The following SORCS2 variants were observed in gnomAD, a reference collection of about 807,000 sequenced individuals.
SORCS2 encodes the protein VPS10 domain-containing receptor SorCS2.
A neutral mutation model predicts 141.6 loss-of-function variants in SORCS2; 100 were observed. The ratio of observed to expected loss-of-function variants is 0.71; its 90% CI spans 0.60 to 0.83. The LOEUF is 0.83. Ranked by LOEUF, SORCS2 falls within the 40% of genes least tolerant of loss-of-function variation. The probability of loss-of-function intolerance (pLI) is 0.00; values close to 1 mark genes in which losing one functional copy is unlikely to be tolerated. For synonymous variants in SORCS2, 789 were observed against 676.9 expected, an observed-to-expected ratio of 1.17 and a Z score of -2.57; for missense variants, 1,646 against 1,560.2, an observed-to-expected ratio of 1.05 and a Z score of -0.93.
intron 1 of SORCS2, among the ~76,000 whole-genome samples, chr4:7,320,662 G>A (rs1352594109): frequency 6.6e-6 from 1 of 152,176 alleles, no homozygotes; most frequent in African/African-American, 2.4e-5. Context: ...TCTTTGATGA[G>A]GTTGGCCAGA....
rs75929365 is a variant in SORCS2 at position 7,641,532 on chromosome 4, T to C, written c.813+3040T>C. Among the ~76,000 whole-genome samples the C allele has an allele frequency of 1.3e-4, 20 of 152,314 alleles. No homozygotes were observed. In the East Asian group the frequency reaches 3.3e-3, roughly 25 times the overall value. ...TGGGTGGGAACACAGAGCCAAACCA[T>C]GTCAGGTAACTCTATCTTTGTGAAG... On this transcript the variant is annotated intron_variant, in intron 4 of 26. Transcript: ENST00000507866.
intron 5 of SORCS2, among the ~76,000 whole-genome samples, chr4:7,654,725 G>A (rs1037593004): frequency 2.9e-4 from 44 of 152,126 alleles, no homozygotes; most frequent in African/African-American, 1.0e-3. Context: ...CCACTGCTCA[G>A]CCTGTCACCC....
intron 12 of SORCS2, among the ~76,000 whole-genome samples, chr4:7,700,771 A>G (rs1725016511): frequency 6.6e-6 from 1 of 151,908 alleles, no homozygotes; most frequent in Admixed American, 6.6e-5. Context: ...ACATCTGGGG[A>G]GCCCCCAGGT....
chr4:7,634,237 G>A (rs1484947534), intron 3 of SORCS2, among the ~76,000 whole-genome samples: 1 of 152,190 alleles, frequency 6.6e-6, no homozygotes, highest in East Asian at 1.9e-4. Flanking sequence ...AGCCAGGCAT[G>A]GTGGCGGGCA....
intron 1 of SORCS2, among the ~76,000 whole-genome samples, chr4:7,343,840 C>T (rs1465388128): frequency 3.3e-5 from 5 of 152,210 alleles, no homozygotes; most frequent in African/African-American, 9.6e-5. Context: ...CTCTGCTCCA[C>T]GAGGAAGGTT....
intron 1 of SORCS2, among the ~76,000 whole-genome samples, chr4:7,215,972 C>G (rs372082562): frequency 2.6e-5 from 4 of 150,990 alleles, no homozygotes; most frequent in Non-Finnish European, 3.0e-5. Flanking sequence ...GCAACCCGCT[C>G]GGGTCCCCTT....
At chr4:7,720,054 AACAC>A (rs1009329187) in intron 18 of SORCS2, among the ~76,000 whole-genome samples, 2 of 151,950 alleles carry the variant, frequency 1.3e-5, no homozygotes, top group Admixed American at 6.6e-5. Context: ...CATACACACA[AACAC>A]ACAGACACAC....
At chr4:7,471,102 G>A (rs1303867823) in intron 2 of SORCS2, among the ~76,000 whole-genome samples, 3 of 152,172 alleles carry the variant, frequency 2.0e-5, no homozygotes, top group African/African-American at 7.2e-5. Flanking sequence ...AAAGGCAAGG[G>A]CATCTTTTTC....
chr4:7,553,778 A>T (rs1713904084), intron 3 of SORCS2, among the ~76,000 whole-genome samples: 1 of 152,236 alleles, frequency 6.6e-6, no homozygotes, highest in South Asian at 2.1e-4. Flanking sequence ...AACCTGGTGT[A>T]TGTCAATCAT....
chr4:7,478,183 G>A (rs1177338859), intron 2 of SORCS2, among the ~76,000 whole-genome samples: 1 of 152,210 alleles, frequency 6.6e-6, no homozygotes, highest in Non-Finnish European at 1.5e-5. Flanking sequence ...TTTGAAAAAG[G>A]CCGGGCGTGT....
chr4:7,594,250 C>T (rs771470485), intron 3 of SORCS2, among the ~76,000 whole-genome samples: 8 of 152,206 alleles, frequency 5.3e-5, no homozygotes, highest in Admixed American at 1.3e-4. Context: ...GCTACCTCTG[C>T]GGCTGTGGCA....
At chr4:7,669,805 T>A (rs1722692951) in intron 8 of SORCS2, among the ~76,000 whole-genome samples, 1 of 152,338 alleles carries the variant, frequency 6.6e-6, no homozygotes, top group South Asian at 2.1e-4. Context: ...CGTAGCTGAA[T>A]TATGAGCAGT....
intron 9 of SORCS2, among the ~76,000 whole-genome samples, chr4:7,676,822 TCTCTCTCC>T (rs1723167150): frequency 1.0e-5 from 1 of 100,060 alleles, no homozygotes; most frequent in African/African-American, 3.8e-5. Context: ...TCTCTCTCTC[TCTCTCTCC>T]CTCTCTCCAC....
intron 2 of SORCS2, among the ~76,000 whole-genome samples, chr4:7,421,983 C>T (rs571644711): frequency 6.6e-6 from 1 of 152,216 alleles, no homozygotes; most frequent in African/African-American, 2.4e-5. Flanking sequence ...TGTCGACCCC[C>T]ACCTCCTCAT....
At chr4:7,698,095 A>T (rs144553256) in intron 12 of SORCS2, among the ~76,000 whole-genome samples, 1 of 152,282 alleles carries the variant, frequency 6.6e-6, no homozygotes, top group Non-Finnish European at 1.5e-5. Context: ...TCCCCACCCC[A>T]GGAGGGGGCA....
In SORCS2 at chr4:7,295,147, C is replaced by T. The variant is rs139754452; in HGVS notation, c.481-101141C>T. ...TCTTCCTCCTCCCCCTCCTCCTCTC[C>T]CTCCTCCTCCCTTTTATTTTCTCCC... On this transcript the variant is annotated intron_variant, in intron 1 of 26. Transcript: ENST00000507866. 5.9e-3 allele frequency among the ~76,000 whole-genome samples: 264 copies of T among 44,434 alleles called. 6 individuals are homozygous for T. Among genetic ancestry groups the T allele is most frequent in the Non-Finnish European group, 7.8e-3 (166 of 21,402 alleles). The allele number at this position is 44,434 out of a possible 152,430, so 29.2% of individuals were successfully genotyped here.
At chr4:7,557,715 A>G (rs28702913) in intron 3 of SORCS2, among the ~76,000 whole-genome samples, 2,933 of 152,298 alleles carry the variant, frequency 0.019, 93 homozygotes, top group African/African-American at 0.067. Context: ...GCCCAGGGAA[A>G]AGTACACAGG....
At chr4:7,559,820 G>C (rs1422228413) in intron 3 of SORCS2, among the ~76,000 whole-genome samples, 1 of 152,244 alleles carries the variant, frequency 6.6e-6, no homozygotes, top group African/African-American at 2.4e-5. Flanking sequence ...CCCAGCACAG[G>C]TGCCCACTGA....
chr4:7,723,830 G>A lies in SORCS2; in HGVS notation c.2558G>A (p.Arg853Lys). Residue 853 changes from arginine to lysine, a missense_variant, in exon 19 of 27, where the codon AGG (arginine) becomes AAG (lysine). Coordinates refer to ENST00000507866, the MANE Select transcript of SORCS2 (RefSeq NM_020777.3). ...CCCGGCATCTACCGCGTGTCCGTCA[G>A]GGCAGAGAACACGGCAGGCCACGAT... ...ESPGIYRVSV[R>K]AENTAGHDEA... The A allele has an allele frequency of 1.9e-6, 3 of 1,613,202 alleles. No individual in the cohort carries two copies. The highest frequency in any genetic ancestry group is 2.5e-6 in the Non-Finnish European group (3 of 1,179,874).
Sources: gnomAD v4.1 joint callset for allele counts (sites outside exome capture counted in the v4.1 genomes callset) on GRCh38, gnomAD v4.1.1 for gene constraint, MANE v1.5 for transcripts, NCBI Gene and HGNC (gene_info 2026-07-23, HGNC 2026-07-21) for gene names.